RPH3A: variants seen among roughly 807,000 people sequenced by gnomAD.
The protein encoded by RPH3A is rabphilin 3A.
A neutral mutation model predicts 102.2 loss-of-function variants in RPH3A; 48 were observed. That is an observed-to-expected ratio of 0.47 (90% CI 0.37 to 0.60). RPH3A has a LOEUF of 0.60. Ranked by LOEUF, RPH3A falls within the 20% of genes least tolerant of loss-of-function variation. The probability of loss-of-function intolerance (pLI) is 0.00; values close to 1 mark genes in which losing one functional copy is unlikely to be tolerated. For missense variants in RPH3A, 781 were observed against 910.1 expected (o/e 0.86, Z 1.83); for synonymous variants, 310 against 324.3 (o/e 0.96, Z 0.47).
intron 1 of RPH3A, among the ~76,000 whole-genome samples, chr12:112,674,622 C>A (rs888178417): frequency 1.1e-4 from 17 of 152,078 alleles, no homozygotes; most frequent in African/African-American, 3.6e-4. Flanking sequence ...AGGTAGCCTC[C>A]CAGGCTACCT....
At chr12:112,667,273 C>T (rs2136006811) in intron 1 of RPH3A, among the ~76,000 whole-genome samples, 1 of 152,270 alleles carries the variant, frequency 6.6e-6, no homozygotes, top group South Asian at 2.1e-4. Flanking sequence ...CCTGTGGTGC[C>T]AAATGGTATA....
chr12:112,766,786 A>C (rs1279186923), intron 1 of RPH3A, among the ~76,000 whole-genome samples: 1 of 152,192 alleles, frequency 6.6e-6, no homozygotes, highest in Non-Finnish European at 1.5e-5. Flanking sequence ...ATGAGTCTGC[A>C]TGGAGCTCTG....
intron 1 of RPH3A, among the ~76,000 whole-genome samples, chr12:112,785,964 G>A (rs1041326155): frequency 9.2e-5 from 14 of 151,904 alleles, no homozygotes; most frequent in East Asian, 2.0e-4. Context: ...TAGAGTATAC[G>A]AAACTCATTG....
upstream of RPH3A, among the ~76,000 whole-genome samples, chr12:112,790,484 C>G (rs1009707586): frequency 6.6e-6 from 1 of 152,178 alleles, no homozygotes; most frequent in African/African-American, 2.4e-5. Flanking sequence ...GGATGGGAAG[C>G]TTTAGATATG....
At chr12:112,788,678 T>G (rs1429173368), upstream of RPH3A, among the ~76,000 whole-genome samples, 1 of 152,222 alleles carries the variant, frequency 6.6e-6, no homozygotes, top group Non-Finnish European at 1.5e-5. Context: ...GCTATTGTCA[T>G]TCCCTAAGGG....
intron 1 of RPH3A, among the ~76,000 whole-genome samples, chr12:112,589,232 C>T (rs1566218837): frequency 6.6e-6 from 1 of 152,036 alleles, no homozygotes; most frequent in Non-Finnish European, 1.5e-5. Context: ...ACTCACTGGC[C>T]CACCTTATTC....
chr12:112,770,741 C>T (rs1028673996), intron 1 of RPH3A, among the ~76,000 whole-genome samples: 6 of 152,074 alleles, frequency 3.9e-5, no homozygotes, highest in African/African-American at 1.2e-4. Context: ...GTCTTTGTTC[C>T]ATCTTCATTC....
intron 3 of RPH3A, among the ~76,000 whole-genome samples, chr12:112,830,711 T>C (rs1178341608): frequency 6.6e-6 from 1 of 152,144 alleles, no homozygotes; most frequent in East Asian, 1.9e-4. Flanking sequence ...TATCATTATG[T>C]AATGTCTCTC....
intron 1 of RPH3A, among the ~76,000 whole-genome samples, chr12:112,658,505 C>T (rs748164448): frequency 7.7e-4 from 118 of 152,322 alleles, no homozygotes; most frequent in Non-Finnish European, 8.5e-4. Flanking sequence ...CAGGACCATT[C>T]TGTCTGCTGT....
chr12:112,590,107 A>G (rs1033943999), intron 1 of RPH3A, among the ~76,000 whole-genome samples: 3 of 151,932 alleles, frequency 2.0e-5, no homozygotes, highest in Non-Finnish European at 2.9e-5. Flanking sequence ...AGTAAAGGAA[A>G]AATAATAATA....
chr12:112,885,585 T>C (rs368957218), intron 16 of RPH3A, among the ~76,000 whole-genome samples: 8 of 152,358 alleles, frequency 5.3e-5, no homozygotes, highest in East Asian at 1.9e-4. Context: ...TGTAGTTAAA[T>C]ATATTTCTAA....
chr12:112,713,046 CT>C lies in RPH3A; in HGVS notation c.-139-79095del, dbSNP rs1565857435. 1.7e-3 allele frequency among the ~76,000 whole-genome samples: 124 copies of C among 73,910 alleles called. 4 individuals are homozygous for C. The highest frequency in any genetic ancestry group is 5.1e-3 in the East Asian group (14 of 2,728). The allele number at this position is 73,910 out of a possible 152,430, so 48.5% of individuals were successfully genotyped here. ...TCCTCTTCTTCTTCTTCTTCTTCTTCTTCTCCTTCTTCTTCTTCTTCTTCTT... is the reference window on the plus strand; with the variant it reads ...TCCTCTTCTTCTTCTTCTTCTTCTTCTCTCCTTCTTCTTCTTCTTCTTCTT... On this transcript the variant is annotated intron_variant, in intron 1 of 21. Coordinates refer to the RPH3A transcript ENST00000543106.
At chr12:112,856,994 C>T (rs758724617) in intron 5 of RPH3A, among the ~76,000 whole-genome samples, 3 of 152,004 alleles carry the variant, frequency 2.0e-5, no homozygotes, top group Non-Finnish European at 4.4e-5. Flanking sequence ...CACCCCAACC[C>T]CTGCGTCATA....
chr12:112,835,261 T>C (rs572520676), intron 3 of RPH3A, among the ~76,000 whole-genome samples: 64 of 152,358 alleles, frequency 4.2e-4, no homozygotes, highest in Middle Eastern at 6.8e-3. Context: ...TCATGATGTC[T>C]TCTTGCAGCC....
intron 1 of RPH3A, among the ~76,000 whole-genome samples, chr12:112,713,032 TTCTTCTTCTTCTTCTTCTC>T (rs1565857345): frequency 1.6e-4 from 12 of 76,392 alleles, no homozygotes; most frequent in African/African-American, 2.8e-4. Context: ...CCTCTTCTTC[TTCTTCTTCTTCTTCTTCTC>T]CTTCTTCTTC....
At chr12:112,878,721 G>A (rs1593119355) in intron 13 of RPH3A, among the ~76,000 whole-genome samples, 1 of 152,350 alleles carries the variant, frequency 6.6e-6, no homozygotes, top group Non-Finnish European at 1.5e-5. Flanking sequence ...AGGATCTAGA[G>A]GGAGAGCATT....
intron 1 of RPH3A, among the ~76,000 whole-genome samples, chr12:112,725,142 G>A (rs1425524276): frequency 6.7e-6 from 1 of 150,354 alleles, no homozygotes; most frequent in African/African-American, 2.4e-5. Context: ...CCAGCTACTT[G>A]GGAGGCTGAG....
In RPH3A at chr12:112,628,568, C is replaced by CAAAAAAAAAAA. The variant is rs771688201; in HGVS notation, c.-140+53281_-140+53291dup. ...AACATTGCAAGGCCTGTCTTTACCACAAAAAAAAAAAAAAAAAAAAAAAAA... is the reference window on the plus strand; with the variant it reads ...AACATTGCAAGGCCTGTCTTTACCACAAAAAAAAAAAAAAAAAAAAAAAAAAAAAAAAAAAA... On this transcript the variant is annotated intron_variant, in intron 1 of 21. Transcript: ENST00000543106. Among the ~76,000 whole-genome samples the CAAAAAAAAAAA allele has an allele frequency of 7.4e-5, 2 of 27,048 alleles. 1 individual carries two copies. The highest frequency in any genetic ancestry group is 1.3e-4 in the Non-Finnish European group (2 of 15,236). 17.7% of individuals were successfully genotyped at this position (27,048 alleles called of 152,430 possible).
At position 112,696,300 on chromosome 12, in the gene RPH3A, T is replaced by G. The variant is rs569660557; in HGVS notation, c.-139-95843T>G. ...CAAATTGTGCTGCTGTAAATGTGTG[T>G]GTATGTGTGTTTTCCACATAATGAC... On this transcript the variant is annotated intron_variant, in intron 1 of 21. Transcript: ENST00000543106. Among the ~76,000 whole-genome samples, 375 of 152,364 alleles carry G rather than the reference T, an allele frequency of 2.5e-3. 1 individual carries two copies. The highest frequency in any genetic ancestry group is 8.8e-3 in the African/African-American group (365 of 41,584).
Sources: allele counts gnomAD v4.1 joint callset (sites outside exome capture counted in the v4.1 genomes callset), GRCh38; gene constraint gnomAD v4.1.1; transcripts MANE v1.5; gene names NCBI Gene and HGNC (gene_info 2026-07-23, HGNC 2026-07-21).